RHBDD1: variants seen among roughly 807,000 people sequenced by gnomAD.
RHBDD1 encodes rhomboid-related protein 4.
In RHBDD1, 38 loss-of-function variants were observed where a neutral mutation model predicts 36.3. The observed-to-expected ratio is 1.05, with a 90% CI of 0.81 to 1.37. The LOEUF (loss-of-function observed/expected upper bound fraction) is 1.37, where lower values mean the gene tolerates loss of function less well. Among genes scored for constraint, RHBDD1 ranks in the 40% most tolerant of loss-of-function variants. RHBDD1 has a pLI of 0.00. For synonymous variants in RHBDD1, 151 were observed against 136.5 expected (o/e 1.11, Z -0.74); for missense variants, 393 against 377.6 (o/e 1.04, Z -0.34).
intron 8 of RHBDD1, among the ~76,000 whole-genome samples, chr2:226,927,462 T>C (rs575383368): frequency 2.9e-4 from 44 of 152,068 alleles, no homozygotes; most frequent in Non-Finnish European, 4.4e-4. Flanking sequence ...TTTGTGTAAA[T>C]ATAAGTTTTC....
chr2:226,807,552 C>CCATGCAGA, the RHBDD1 span: 19 of 152,092 alleles, frequency 1.2e-4, no homozygotes, highest in African/African-American at 4.6e-4. Context: ...AAGACATGTT[C>CCATGCAGA]CATGCAGAGG....
At chr2:226,802,495 T>C in the RHBDD1 span, among the ~76,000 whole-genome samples, 3 of 152,236 alleles carry the variant, frequency 2.0e-5, no homozygotes, top group Non-Finnish European at 2.9e-5. Context: ...ATTTGGTTCA[T>C]GTAATATATA....
chr2:226,934,025 A>C (rs567667157), intron 8 of RHBDD1, among the ~76,000 whole-genome samples: 30 of 152,262 alleles, frequency 2.0e-4, no homozygotes, highest in African/African-American at 7.2e-4. Flanking sequence ...GAAAAGACCC[A>C]CTAACAAGCT....
At chr2:226,827,137 T>C in the RHBDD1 span, among the ~76,000 whole-genome samples, 22 of 151,958 alleles carry the variant, frequency 1.4e-4, no homozygotes, top group Non-Finnish European at 2.9e-4. Flanking sequence ...TTTGTATATA[T>C]ATATTTTTGT....
At chr2:226,892,836 C>CA (rs1946797578) in intron 5 of RHBDD1, among the ~76,000 whole-genome samples, 1 of 152,052 alleles carries the variant, frequency 6.6e-6, no homozygotes, top group Admixed American at 6.6e-5. Flanking sequence ...TCAAAAAAAT[C>CA]ACTAAACAGA....
At chr2:226,891,368 C>T (rs1420207602) in intron 5 of RHBDD1, among the ~76,000 whole-genome samples, 2 of 152,208 alleles carry the variant, frequency 1.3e-5, no homozygotes, top group African/African-American at 4.8e-5. Context: ...TACCTTCCTT[C>T]AGCAAAGAAG....
At chr2:226,975,893 T>G (rs1195584523) in intron 8 of RHBDD1, among the ~76,000 whole-genome samples, 1 of 152,042 alleles carries the variant, frequency 6.6e-6, no homozygotes, top group Non-Finnish European at 1.5e-5. Flanking sequence ...AGGGTTCTGA[T>G]TGAGTGCATT....
the RHBDD1 span, among the ~76,000 whole-genome samples, chr2:226,805,705 A>G: frequency 6.6e-6 from 1 of 152,242 alleles, no homozygotes; most frequent in Non-Finnish European, 1.5e-5. Flanking sequence ...TAGCCCAAAA[A>G]TGTCTTCACA....
Position 226,998,703 on chromosome 2 carries a change from A to G in RHBDD1, c.*3181A>G, listed in dbSNP as rs1324132772. On this transcript the variant is annotated 3_prime_UTR_variant, in exon 9 of 9. Coordinates refer to ENST00000392062, the MANE Select transcript of RHBDD1 (RefSeq NM_001167608.3). ...ACAATACCTCCTCACTCAATTCTAC[A>G]TAACTCCAGCTTAGTCTTCCAAAAT... 2 of 152,130 alleles carry G rather than the reference A, an allele frequency of 1.3e-5. No homozygotes were observed. The highest frequency in any genetic ancestry group is 2.4e-5 in the African/African-American group (1 of 41,418). The allele number at this position is 152,130 out of a possible 1,614,324, so 9.4% of individuals were successfully genotyped here.
At chr2:226,916,084 G>T (rs1002233262) in intron 8 of RHBDD1, among the ~76,000 whole-genome samples, 2 of 152,308 alleles carry the variant, frequency 1.3e-5, no homozygotes, top group African/African-American at 4.8e-5. Context: ...CACAGCATAA[G>T]GTTTACAGGA....
intron 8 of RHBDD1, among the ~76,000 whole-genome samples, chr2:226,937,324 C>T (rs1950393116): frequency 6.6e-6 from 1 of 152,102 alleles, no homozygotes; most frequent in Non-Finnish European, 1.5e-5. Flanking sequence ...ATAGTACCCG[C>T]TTTTTGAGCT....
intron 5 of RHBDD1, among the ~76,000 whole-genome samples, chr2:226,877,490 T>C (rs1162870668): frequency 6.6e-6 from 1 of 151,996 alleles, no homozygotes; most frequent in Non-Finnish European, 1.5e-5. Flanking sequence ...TGACAACAAA[T>C]TCATTAGTTG....
chr2:226,938,194 T>A (rs1026551450), intron 8 of RHBDD1, among the ~76,000 whole-genome samples: 1 of 152,198 alleles, frequency 6.6e-6, no homozygotes, highest in Non-Finnish European at 1.5e-5. Context: ...TGATCAGTGA[T>A]GTTGAGGTTT....
chr2:226,953,519 T>A (rs1340968260), intron 8 of RHBDD1, among the ~76,000 whole-genome samples: 5 of 152,194 alleles, frequency 3.3e-5, no homozygotes, highest in African/African-American at 9.6e-5. Context: ...ACATGGCCTC[T>A]CAATCCCTGG....
At chr2:226,907,428 A>C (rs1387622020) in intron 6 of RHBDD1, among the ~76,000 whole-genome samples, 1 of 152,158 alleles carries the variant, frequency 6.6e-6, no homozygotes, top group Non-Finnish European at 1.5e-5. Flanking sequence ...TCAAATTGAT[A>C]CTCAATGAAA....
chr2:226,866,779 A>T (rs1309074303), intron 4 of RHBDD1, among the ~76,000 whole-genome samples: 2 of 152,220 alleles, frequency 1.3e-5, no homozygotes. Flanking sequence ...GTGGGAGAAG[A>T]AAGAATATAT....
chr2:226,974,429 G>C lies in RHBDD1; in HGVS notation c.857-21002G>C, dbSNP rs558541162. On this transcript the variant is annotated intron_variant, in intron 8 of 8. Coordinates refer to ENST00000392062, the MANE Select transcript of RHBDD1 (RefSeq NM_001167608.3). ...ATTTTTTGTATTTTTAGTAGAGACG[G>C]GGTTTCACCGTGTTAGCCAGGATGG... 2.6e-5 allele frequency among the ~76,000 whole-genome samples: 4 copies of C among 152,114 alleles called. No individual in the cohort carries two copies. The South Asian group carries it at 8.3e-4, about 32-fold the overall frequency.
intron 5 of RHBDD1, among the ~76,000 whole-genome samples, chr2:226,895,170 C>CAGAT (rs1946997326): frequency 6.6e-6 from 1 of 152,194 alleles, no homozygotes; most frequent in Non-Finnish European, 1.5e-5. Flanking sequence ...GCTGGTTAGA[C>CAGAT]AGACACGCTT....
chr2:226,943,445 A>T (rs1950788109), intron 8 of RHBDD1, among the ~76,000 whole-genome samples: 1 of 152,190 alleles, frequency 6.6e-6, no homozygotes, highest in African/African-American at 2.4e-5. Flanking sequence ...GAACAATCCA[A>T]AGCCCAGTAG....
Sources: gnomAD v4.1 joint callset for allele counts (sites outside exome capture counted in the v4.1 genomes callset) on GRCh38, gnomAD v4.1.1 for gene constraint, MANE v1.5 for transcripts, NCBI Gene and HGNC (gene_info 2026-07-23, HGNC 2026-07-21) for gene names.